Variants in MEGF11 observed in about 807,000 individuals in gnomAD.
MEGF11 encodes multiple EGF like domains 11, also known as multiple epidermal growth factor-like domains protein 11.
Under a neutral mutation model 146.6 loss-of-function variants are expected in MEGF11, and 126 were observed. The ratio of observed to expected loss-of-function variants is 0.86; its 90% CI spans 0.74 to 1.00. The LOEUF (loss-of-function observed/expected upper bound fraction) is 1.00, where lower values mean the gene tolerates loss of function less well. Among genes scored for constraint, MEGF11 ranks in the 50% least tolerant of loss-of-function variants. MEGF11 has a pLI of 0.00. For missense variants in MEGF11, 1,509 were observed against 1,521.2 expected, an observed-to-expected ratio of 0.99 and a Z score of 0.13; for synonymous variants, 532 against 583.4, an observed-to-expected ratio of 0.91 and a Z score of 1.27.
chr15:66,084,122 C>CA (rs1345761282), intron 5 of MEGF11, among the ~76,000 whole-genome samples: 1 of 152,068 alleles, frequency 6.6e-6, no homozygotes, highest in Non-Finnish European at 1.5e-5. Flanking sequence ...TATAGCCTAC[C>CA]ACACACCTAG....
chr15:66,173,600 A>G (rs1046167109), intron 1 of MEGF11, among the ~76,000 whole-genome samples: 1 of 152,206 alleles, frequency 6.6e-6, no homozygotes, highest in African/African-American at 2.4e-5. Flanking sequence ...ACAGGTGTGA[A>G]CCACCACACC....
intron 1 of MEGF11, among the ~76,000 whole-genome samples, chr15:66,218,099 A>G (rs2091632755): frequency 6.6e-6 from 1 of 152,168 alleles, no homozygotes; most frequent in Non-Finnish European, 1.5e-5. Context: ...AAGGAAAGAG[A>G]TACTTTTATT....
chr15:66,232,446 G>A lies in MEGF11; in HGVS notation c.-9+21159C>T, dbSNP rs556926122. On this transcript the variant is annotated intron_variant, in intron 1 of 25. Transcript: ENST00000395614. ...CATTCCAAGTCCCCGGGGAGCTCTG[G>A]ACAGCCTTGTGCCATCTGAGCTCCA... is the stretch of plus-strand genomic sequence containing the variant. 4.5e-4 allele frequency among the ~76,000 whole-genome samples: 69 copies of A among 152,282 alleles called. 1 individual carries two copies. The highest frequency in any genetic ancestry group is 1.8e-3 in the Admixed American group (28 of 15,304).
At chr15:65,919,041 C>T (rs1383223004) in intron 15 of MEGF11, among the ~76,000 whole-genome samples, 1 of 152,170 alleles carries the variant, frequency 6.6e-6, no homozygotes, top group Non-Finnish European at 1.5e-5. Context: ...CTTGAAGATA[C>T]ATGACTTCCC....
chr15:66,028,066 A>G (rs1423656930), intron 5 of MEGF11, among the ~76,000 whole-genome samples: 1 of 152,192 alleles, frequency 6.6e-6, no homozygotes, highest in South Asian at 2.1e-4. Context: ...TTCCTCCCAG[A>G]GTCCCCTGTC....
At chr15:66,205,312 C>G (rs988652072) in intron 1 of MEGF11, among the ~76,000 whole-genome samples, 1 of 152,092 alleles carries the variant, frequency 6.6e-6, no homozygotes, top group Non-Finnish European at 1.5e-5. Context: ...CATGGTAGCA[C>G]GTACCTGGAT....
intron 9 of MEGF11, among the ~76,000 whole-genome samples, chr15:65,960,570 CG>C (rs973319343): frequency 6.6e-6 from 1 of 152,332 alleles, no homozygotes; most frequent in African/African-American, 2.4e-5. Context: ...GGCTCAGTCA[CG>C]GTTGTGGAGA....
chr15:65,987,915 T>A (rs905070402), intron 5 of MEGF11, among the ~76,000 whole-genome samples: 11 of 151,964 alleles, frequency 7.2e-5, no homozygotes, highest in African/African-American at 2.7e-4. Flanking sequence ...TTCACTGTGT[T>A]AGCCAGGATG....
chr15:66,181,777 C>T (rs117523254), intron 1 of MEGF11, among the ~76,000 whole-genome samples: 6 of 152,102 alleles, frequency 3.9e-5, no homozygotes, highest in Non-Finnish European at 7.3e-5. Flanking sequence ...GGGGGAGGGG[C>T]GCTGTGTCTC....
At chr15:66,099,114 C>T (rs1013811403) in intron 4 of MEGF11, among the ~76,000 whole-genome samples, 1 of 152,128 alleles carries the variant, frequency 6.6e-6, no homozygotes, top group Non-Finnish European at 1.5e-5. Flanking sequence ...GCCAAACACT[C>T]TCCTGGGTTG....
chr15:66,155,312 C>T (rs74820510), intron 1 of MEGF11, among the ~76,000 whole-genome samples: 16 of 152,258 alleles, frequency 1.1e-4, no homozygotes, highest in South Asian at 4.1e-4. Context: ...GGAGAGCCCT[C>T]GGCTGTAGAA....
chr15:65,911,978 A>G (rs772308032), intron 21 of MEGF11, 104 bp downstream of exon 21: 5 of 538,782 alleles, frequency 9.3e-6, no homozygotes, highest in Admixed American at 4.4e-5. Context: ...TCAGTTCTAC[A>G]TGGACCCTCC....
intron 4 of MEGF11, among the ~76,000 whole-genome samples, chr15:66,113,054 G>T (rs2087517060): frequency 6.6e-6 from 1 of 152,130 alleles, no homozygotes; most frequent in South Asian, 2.1e-4. Flanking sequence ...ACATAATTTG[G>T]CATAGAGTTG....
At chr15:65,945,748 T>C (rs1350091489) in intron 10 of MEGF11, among the ~76,000 whole-genome samples, 5 of 152,150 alleles carry the variant, frequency 3.3e-5, no homozygotes, top group African/African-American at 4.8e-5. Context: ...GATTCCCCCA[T>C]CATTTGTCAG....
At chr15:66,170,464 C>A (rs1228274050) in intron 1 of MEGF11, among the ~76,000 whole-genome samples, 2 of 152,202 alleles carry the variant, frequency 1.3e-5, no homozygotes, top group Non-Finnish European at 2.9e-5. Context: ...ACAATCTGAG[C>A]TGAATCCACT....
At chr15:66,108,721 G>C (rs748174623) in intron 4 of MEGF11, among the ~76,000 whole-genome samples, 1 of 152,178 alleles carries the variant, frequency 6.6e-6, no homozygotes, top group Non-Finnish European at 1.5e-5. Flanking sequence ...CACAGAGTCA[G>C]CTGGGGCCAG....
At chr15:66,160,076 C>G (rs533007156) in intron 1 of MEGF11, among the ~76,000 whole-genome samples, 17 of 152,276 alleles carry the variant, frequency 1.1e-4, no homozygotes, top group Admixed American at 1.1e-3. Context: ...CCCTTTCACC[C>G]CAGGAGCCAG....
rs377150263 is a variant in MEGF11, at chr15:66,001,755, C to T, written c.395-19267G>A. 9.9e-5 allele frequency among the ~76,000 whole-genome samples: 15 copies of T among 152,194 alleles called. No homozygotes were observed. The East Asian group carries it at 2.1e-3, about 22-fold the overall frequency. ...GAGATGTAGGGGGGTAGCTGGGAGGCCGTTTGAACTGGATGTTTGAACCAA... is the reference window on the plus strand; with the variant it reads ...GAGATGTAGGGGGGTAGCTGGGAGGTCGTTTGAACTGGATGTTTGAACCAA... On this transcript the variant is annotated intron_variant, in intron 5 of 25. Coordinates refer to ENST00000395614, the MANE Select transcript of MEGF11 (RefSeq NM_001385028.1).
intron 1 of MEGF11, among the ~76,000 whole-genome samples, chr15:66,180,639 G>A (rs2090520640): frequency 6.6e-6 from 1 of 152,222 alleles, no homozygotes; most frequent in Non-Finnish European, 1.5e-5. Flanking sequence ...GAGCATGAAG[G>A]AGAAATGTGA....
Sources: allele counts gnomAD v4.1 joint callset (sites outside exome capture counted in the v4.1 genomes callset), GRCh38; gene constraint gnomAD v4.1.1; transcripts MANE v1.5; gene names NCBI Gene and HGNC (gene_info 2026-07-23, HGNC 2026-07-21).